ASCC3: variants seen among roughly 807,000 people sequenced by gnomAD.
ASCC3 encodes the protein activating signal cointegrator 1 complex subunit 3, also known as ASC-1 complex subunit P200.
In ASCC3, 158 loss-of-function variants were observed where a neutral mutation model predicts 256.3. That is an observed-to-expected ratio of 0.62 (90% CI 0.54 to 0.70). The LOEUF (loss-of-function observed/expected upper bound fraction) is 0.70. Ranked by LOEUF, ASCC3 falls within the 30% of genes least tolerant of loss-of-function variation. The pLI is 0.00. For synonymous variants in ASCC3, 948 were observed against 883.4 expected (o/e 1.07, Z -1.30); for missense variants, 2,259 against 2,626.0 (o/e 0.86, Z 3.05).
rs1415918015 is a variant in ASCC3 at position 100,627,623 on chromosome 6, G to A, written c.4609C>T (p.Arg1537Cys). The change falls in exon 29 of 42, where the codon CGT becomes TGT. Residue 1537 changes from arginine (R) to cysteine (C), a missense_variant. This residue lies in a region of ASCC3 where 1,839 missense variants were observed against 2,206.7 expected (regional missense o/e 0.83). Coordinates refer to ENST00000369162, the MANE Select transcript of ASCC3 (RefSeq NM_006828.4). ...GCAGGCTTGTTCATACTAGCCATAC[G>A]AGGACAGTAATGTTGACCTGGAAAG... Reference protein sequence around the residue: ...QGFPGQHYCPRMASMNKPAFQ... With the variant: ...QGFPGQHYCPCMASMNKPAFQ... The A allele has an allele frequency of 8.1e-6, 13 of 1,613,470 alleles. No individual in the cohort carries two copies. The South Asian group carries it at 8.8e-5, about 11-fold the overall frequency.
At chr6:100,610,090 T>G (rs1773317299) in intron 30 of ASCC3, among the ~76,000 whole-genome samples, 1 of 152,130 alleles carries the variant, frequency 6.6e-6, no homozygotes, top group Non-Finnish European at 1.5e-5. Flanking sequence ...AGGATACATC[T>G]CTAAAGTTTC....
chr6:100,641,452 T>G (rs958129364), intron 24 of ASCC3, among the ~76,000 whole-genome samples: 10 of 152,216 alleles, frequency 6.6e-5, no homozygotes, highest in African/African-American at 2.2e-4. Context: ...TGGCCAGTGA[T>G]GATGCACATT....
At chr6:100,583,189 C>G (rs769752086) in intron 36 of ASCC3, among the ~76,000 whole-genome samples, 4 of 152,078 alleles carry the variant, frequency 2.6e-5, no homozygotes, top group Admixed American at 6.5e-5. Context: ...ACCTCTTGTA[C>G]AATTCGGCTG....
chr6:100,820,981 T>C (rs1771011314), intron 4 of ASCC3, among the ~76,000 whole-genome samples: 1 of 152,190 alleles, frequency 6.6e-6, no homozygotes, highest in Non-Finnish European at 1.5e-5. Context: ...TTGGCAAGGA[T>C]GTGGAGAAAA....
chr6:100,780,013 C>A (rs1264095084), intron 8 of ASCC3, among the ~76,000 whole-genome samples: 1 of 152,038 alleles, frequency 6.6e-6, no homozygotes, highest in East Asian at 1.9e-4. Flanking sequence ...TAAATATTCC[C>A]AGTCTAATTC....
chr6:100,736,333 T>C (rs1780162500), intron 10 of ASCC3, among the ~76,000 whole-genome samples: 1 of 152,004 alleles, frequency 6.6e-6, no homozygotes, highest in Admixed American at 6.6e-5. Flanking sequence ...TGAAACCCCA[T>C]CTCTACTAAA....
At chr6:100,592,447 A>G (rs1772052044) in intron 34 of ASCC3, among the ~76,000 whole-genome samples, 1 of 152,034 alleles carries the variant, frequency 6.6e-6, no homozygotes. Flanking sequence ...AGTCATTTAA[A>G]ATATTTTCAA....
rs1776272407 is a variant in ASCC3 at position 100,662,434 on chromosome 6, A to C, written c.2389T>G (p.Leu797Val). The C allele has an allele frequency of 5.6e-6, 9 of 1,613,344 alleles. No individual in the cohort carries two copies. The highest frequency in any genetic ancestry group is 6.8e-6 in the Non-Finnish European group (8 of 1,179,526). ...ACTTTGATATGCCCATTAGAAAACAAGTTTTCAACTAAATTTCTGTCCTGC... is the reference window on the plus strand; with the variant it reads ...ACTTTGATATGCCCATTAGAAAACACGTTTTCAACTAAATTTCTGTCCTGC... ...LRQDRNLVEN[L>V]FSNGHIKVLV... is the part of the protein sequence containing the mutation. Residue 797 changes from leucine (L) to valine (V), a missense_variant, in exon 15 of 42, where the codon TTG (leucine) becomes GTG (valine). Around this residue, in one of 2 missense-constraint regions of ASCC3, gnomAD observed 1,839 missense variants for 2,206.7 expected, o/e 0.83. Transcript: ENST00000369162.
At chr6:100,615,430 C>T (rs1327347775) in intron 30 of ASCC3, among the ~76,000 whole-genome samples, 1 of 151,990 alleles carries the variant, frequency 6.6e-6, no homozygotes, top group Admixed American at 6.6e-5. Flanking sequence ...GGTTAGCTAC[C>T]CTGTTTTGAG....
chr6:100,578,566 C>T (rs1445859205), intron 36 of ASCC3, among the ~76,000 whole-genome samples: 1 of 152,040 alleles, frequency 6.6e-6, no homozygotes, highest in Non-Finnish European at 1.5e-5. Context: ...GCCTCCAACT[C>T]CATCCATGTT....
chr6:100,534,743 T>C (rs1775081645), intron 37 of ASCC3, among the ~76,000 whole-genome samples: 1 of 152,184 alleles, frequency 6.6e-6, no homozygotes, highest in Non-Finnish European at 1.5e-5. Context: ...ATGCCCTTGA[T>C]ACATAATTTG....
At chr6:100,607,201 A>C in intron 30 of ASCC3, 113 bp from the exon 31 acceptor site, 2 of 1,121,788 alleles carry the variant, frequency 1.8e-6, no homozygotes, top group Non-Finnish European at 2.6e-6. Flanking sequence ...ATGGACATAA[A>C]ATATAAGTCC....
chr6:100,810,516 T>C (rs1239269348), intron 4 of ASCC3, among the ~76,000 whole-genome samples: 1 of 152,164 alleles, frequency 6.6e-6, no homozygotes, highest in African/African-American at 2.4e-5. Context: ...GTATTTTCTT[T>C]CAAATTTTTA....
chr6:100,812,991 A>T (rs117469295), intron 4 of ASCC3, among the ~76,000 whole-genome samples: 2,034 of 152,236 alleles, frequency 0.013, 20 homozygotes, highest in East Asian at 0.045. Flanking sequence ...GATGAAGAAA[A>T]AAATGAAGAA....
intron 4 of ASCC3, among the ~76,000 whole-genome samples, chr6:100,830,661 G>T (rs755198332): frequency 6.6e-6 from 1 of 152,100 alleles, no homozygotes; most frequent in Admixed American, 6.5e-5. Flanking sequence ...AAACAAAAAC[G>T]AAAACATAGC....
chr6:100,789,367 C>A (rs1177214817), intron 8 of ASCC3, among the ~76,000 whole-genome samples: 6 of 151,960 alleles, frequency 3.9e-5, no homozygotes, highest in African/African-American at 1.4e-4. Flanking sequence ...AAAGGATGTA[C>A]TGAGGAGGCC....
At chr6:100,652,124 C>G (rs1562199841) in intron 18 of ASCC3, among the ~76,000 whole-genome samples, 2 of 151,998 alleles carry the variant, frequency 1.3e-5, no homozygotes, top group Non-Finnish European at 2.9e-5. Flanking sequence ...AAAAATCAGT[C>G]AAAGGCCACA....
chr6:100,742,142 G>C (rs1407866836), intron 10 of ASCC3, among the ~76,000 whole-genome samples: 2 of 152,120 alleles, frequency 1.3e-5, no homozygotes, highest in Non-Finnish European at 2.9e-5. Context: ...ATTTGCTGGA[G>C]GTCTGCTCCA....
At chr6:100,639,111 T>G (rs187923339) in intron 24 of ASCC3, among the ~76,000 whole-genome samples, 1 of 152,328 alleles carries the variant, frequency 6.6e-6, no homozygotes, top group East Asian at 1.9e-4. Flanking sequence ...ATAACAAGTA[T>G]ATGCATGTTA....
Sources: gnomAD v4.1 joint callset for allele counts (sites outside exome capture counted in the v4.1 genomes callset) on GRCh38, gnomAD v4.1.1 for gene constraint, gnomAD v4.1.1 regional missense constraint, MANE v1.5 for transcripts, NCBI Gene and HGNC (gene_info 2026-07-23, HGNC 2026-07-21) for gene names.